Variants in TJP2 observed in about 807,000 individuals in gnomAD.
The protein encoded by TJP2 is tight junction protein 2, also known as Friedreich ataxia region gene X104 (tight junction protein ZO-2).
A neutral mutation model predicts 133.1 loss-of-function variants in TJP2; 91 were observed. The observed-to-expected ratio is 0.68, with a 90% confidence interval of 0.58 to 0.81. The LOEUF (loss-of-function observed/expected upper bound fraction) is 0.81. Among genes scored for constraint, TJP2 ranks in the 40% least tolerant of loss-of-function variants. The pLI, the probability that TJP2 is intolerant of heterozygous loss-of-function variation, is 0.00. For synonymous variants in TJP2, 592 were observed against 583.4 expected (o/e 1.01, Z -0.21); for missense variants, 1,541 against 1,565.6 (o/e 0.98, Z 0.26).
chr9:69,206,169 A>G (rs572691989), intron 1 of TJP2, among the ~76,000 whole-genome samples: 1 of 152,166 alleles, frequency 6.6e-6, no homozygotes, highest in Non-Finnish European at 1.5e-5. Flanking sequence ...CATGAACACT[A>G]CTTACGTGAA....
chr9:69,210,299 C>CAAAA lies in TJP2; in HGVS notation c.61-2239_61-2236dup, dbSNP rs3067182. On this transcript the variant is annotated intron_variant, in intron 1 of 22. Transcript: ENST00000377245. ...GTGAGACCCCGTCCCCCCCCCCCCC[C>CAAAA]AAAAAAAAAAAAAGTAGCAGCAGTC... 2.6e-3 allele frequency among the ~76,000 whole-genome samples: 75 copies of CAAAA among 28,656 alleles called. 10 individuals carry two copies. The East Asian group carries it at 0.053, about 20-fold the overall frequency. The allele number at this position is 28,656 out of a possible 152,430, so 18.8% of individuals were successfully genotyped here.
At chr9:69,236,636 C>T (rs1179012620) in intron 13 of TJP2, among the ~76,000 whole-genome samples, 1 of 152,162 alleles carries the variant, frequency 6.6e-6, no homozygotes, top group Non-Finnish European at 1.5e-5. Context: ...GCTGACAGTG[C>T]AGGAACCTAG....
chr9:69,137,295 C>CTTTCCT (rs1822808732), intron 1 of TJP2, among the ~76,000 whole-genome samples: 3 of 69,468 alleles, frequency 4.3e-5, no homozygotes, highest in East Asian at 5.0e-4. Context: ...TTCTTTCTTT[C>CTTTCCT]TTTCTTTTCT....
At position 69,225,295 on chromosome 9, in the gene TJP2, G is replaced by T. The variant is rs779001867; in HGVS notation, c.953-9G>T. 6.9e-6 allele frequency: 11 copies of T among 1,586,668 alleles called. No individual in the cohort carries two copies. In the Admixed American group the frequency reaches 8.4e-5, roughly 12 times the overall value. On this transcript the variant is annotated splice_polypyrimidine_tract_variant and intron_variant, in intron 5 of 22. Coordinates refer to ENST00000377245, the MANE Select transcript of TJP2 (RefSeq NM_004817.4). Reference sequence around the variant, plus strand: ...AACATACGTGTATGTTTATGTGTTTGTCTCCTAGAGTATGGTCTCCGGCTT... The same window carrying T: ...AACATACGTGTATGTTTATGTGTTTTTCTCCTAGAGTATGGTCTCCGGCTT...
intron 1 of TJP2, among the ~76,000 whole-genome samples, chr9:69,203,736 C>T (rs946381164): frequency 6.7e-6 from 1 of 150,104 alleles, no homozygotes; most frequent in African/African-American, 2.5e-5. Context: ...ACCTCAGCCT[C>T]CCAAGTATCT....
At chr9:69,174,943 G>T (rs1198734329) in intron 1 of TJP2, among the ~76,000 whole-genome samples, 1 of 150,856 alleles carries the variant, frequency 6.6e-6, no homozygotes. Context: ...TAGGGAATGG[G>T]GATGGAGGTT....
intron 1 of TJP2, among the ~76,000 whole-genome samples, chr9:69,178,581 C>T (rs967034196): frequency 6.6e-6 from 1 of 152,142 alleles, no homozygotes; most frequent in African/African-American, 2.4e-5. Context: ...CAGAATGGCC[C>T]AGAATAGCCA....
intron 2 of TJP2, among the ~76,000 whole-genome samples, chr9:69,214,444 T>A (rs1283369226): frequency 6.6e-6 from 1 of 152,208 alleles, no homozygotes; most frequent in Non-Finnish European, 1.5e-5. Flanking sequence ...ATGCTCACCA[T>A]TGTGCATTGC....
chr9:69,185,518 A>G (rs1825799533), intron 1 of TJP2, among the ~76,000 whole-genome samples: 1 of 152,242 alleles, frequency 6.6e-6, no homozygotes, highest in Admixed American at 6.5e-5. Context: ...TTCTAAAGGT[A>G]TAAGCTTGAG....
intron 2 of TJP2, among the ~76,000 whole-genome samples, chr9:69,165,655 G>C (rs1824310701): frequency 6.6e-6 from 1 of 152,072 alleles, no homozygotes; most frequent in Admixed American, 6.6e-5. Context: ...GGCTAACAAG[G>C]GGTCTCTATC....
At chr9:69,237,685 G>A (rs2133392775) in intron 14 of TJP2, among the ~76,000 whole-genome samples, 193 bp from the exon 15 acceptor site, 1 of 152,186 alleles carries the variant, frequency 6.6e-6, no homozygotes, top group South Asian at 2.1e-4. Context: ...GTGGTTGAAT[G>A]AAAAGAAAAA....
Position 69,138,100 on chromosome 9 carries a change from A to C in TJP2, c.-130-13551A>C, listed in dbSNP as rs575013788. ...GGATCTCCATCCTGATTCCAACTTA[A>C]CAGCCCTGTTCTCTTCTCCAAGAGG... is the stretch of plus-strand genomic sequence containing the variant. On this transcript the variant is annotated intron_variant, in intron 1 of 5. Coordinates refer to the TJP2 transcript ENST00000423935. Among the ~76,000 whole-genome samples, 58 of 152,162 alleles carry C rather than the reference A, an allele frequency of 3.8e-4. 1 individual carries two copies. The highest frequency in any genetic ancestry group is 1.9e-4 in the Non-Finnish European group (13 of 67,996).
intron 2 of TJP2, among the ~76,000 whole-genome samples, chr9:69,215,625 A>G (rs778581351): frequency 4.0e-5 from 6 of 151,860 alleles, no homozygotes; most frequent in African/African-American, 7.3e-5. Flanking sequence ...GACTCAAGCA[A>G]TCTGCCTGCA....
At chr9:69,134,220 T>C (rs1445259028) in intron 1 of TJP2, among the ~76,000 whole-genome samples, 1 of 151,962 alleles carries the variant, frequency 6.6e-6, no homozygotes, top group African/African-American at 2.4e-5. Context: ...GAGTGTGGAG[T>C]TGGACTGGAA....
chr9:69,153,148 G>A (rs1159087208), intron 2 of TJP2, among the ~76,000 whole-genome samples: 18 of 151,944 alleles, frequency 1.2e-4, no homozygotes, highest in African/African-American at 3.6e-4. Context: ...TGGGAGGATC[G>A]CTTGAGCCCA....
chr9:69,241,788 CA>C (rs1480584462), intron 17 of TJP2, among the ~76,000 whole-genome samples: 2 of 152,268 alleles, frequency 1.3e-5, no homozygotes, highest in Non-Finnish European at 2.9e-5. Context: ...TGCATAATCA[CA>C]ATTCTGATGT....
rs1030831093 is a variant in TJP2 at position 69,205,989 on chromosome 9, T to TA, written c.61-6550dup. Among the ~76,000 whole-genome samples, 141 of 152,080 alleles carry TA rather than the reference T, an allele frequency of 9.3e-4. 1 individual carries two copies. The highest frequency in any genetic ancestry group is 2.8e-3 in the African/African-American group (114 of 41,444). On this transcript the variant is annotated intron_variant, in intron 1 of 22. Coordinates refer to ENST00000377245, the MANE Select transcript of TJP2 (RefSeq NM_004817.4). ...AAGGAAAAAAGCTTTATAAAAAGAT[T>TA]AAAAAAAAACACAATAAGTAACTAT...
In TJP2 at chr9:69,242,345, G is replaced by A. The variant is rs144776515; in HGVS notation, c.2566+2198G>A. Reference sequence around the variant, plus strand: ...AGGCAGAGCCTGAACATTTCCCAGCGTTGTGTGCCTGAGGCCAGCATCAGG... The same window carrying A: ...AGGCAGAGCCTGAACATTTCCCAGCATTGTGTGCCTGAGGCCAGCATCAGG... On this transcript the variant is annotated intron_variant, in intron 17 of 22. Transcript: ENST00000377245. Among the ~76,000 whole-genome samples the A allele has an allele frequency of 1.2e-4, 18 of 152,324 alleles. No homozygotes were observed. The East Asian group carries it at 3.3e-3, about 28-fold the overall frequency.
At chr9:69,123,208 C>CTTCTCTGATGGCTAATGATG (rs1451615587) in intron 1 of TJP2, among the ~76,000 whole-genome samples, 10 of 102,120 alleles carry the variant, frequency 9.8e-5, no homozygotes, top group South Asian at 2.8e-4. Context: ...CACCAGGACA[C>CTTCTCTGATGGCTAATGATG]TCTACAGCCG....
Sources: gnomAD v4.1 joint callset for allele counts (sites outside exome capture counted in the v4.1 genomes callset) on GRCh38, gnomAD v4.1.1 for gene constraint, MANE v1.5 for transcripts, NCBI Gene and HGNC (gene_info 2026-07-23, HGNC 2026-07-21) for gene names.